CDH13: variants seen among roughly 807,000 people sequenced by gnomAD.
The protein encoded by CDH13 is cadherin 13.
CDH13 carries 24 observed loss-of-function variants against 63.8 expected under a neutral mutation model. The observed-to-expected ratio is 0.38, with a 90% confidence interval of 0.27 to 0.53. CDH13 has a LOEUF of 0.53. CDH13 is among the 20% of genes least tolerant of loss of function. The pLI, the probability that CDH13 is intolerant of heterozygous loss-of-function variation, is 0.85. For missense variants in CDH13, 1,049 were observed against 903.1 expected, an observed-to-expected ratio of 1.16 and a Z score of -2.07; for synonymous variants, 503 against 355.3, an observed-to-expected ratio of 1.42 and a Z score of -4.67.
At chr16:82,674,997 A>T (rs1913733005) in intron 1 of CDH13, among the ~76,000 whole-genome samples, 1 of 152,232 alleles carries the variant, frequency 6.6e-6, no homozygotes. Flanking sequence ...GCTTTGAAGC[A>T]TGGCATTTAG....
intron 6 of CDH13, among the ~76,000 whole-genome samples, chr16:83,402,870 C>CT (rs2091988844): frequency 6.6e-6 from 1 of 152,120 alleles, no homozygotes. Context: ...AACTTAGATA[C>CT]GTCCCCTTCT....
intron 4 of CDH13, among the ~76,000 whole-genome samples, chr16:83,212,612 C>G (rs961904807): frequency 1.3e-5 from 2 of 152,182 alleles, no homozygotes; most frequent in African/African-American, 4.8e-5. Context: ...AGGTGGCAAA[C>G]AGACCCAGCC....
At chr16:83,571,904 G>A (rs1009815857) in intron 7 of CDH13, among the ~76,000 whole-genome samples, 1 of 152,166 alleles carries the variant, frequency 6.6e-6, no homozygotes, top group African/African-American at 2.4e-5. Flanking sequence ...CTTAGCAGTC[G>A]CTCTGCATGG....
chr16:83,590,196 C>T (rs1319335076), intron 7 of CDH13, among the ~76,000 whole-genome samples: 3 of 152,078 alleles, frequency 2.0e-5, no homozygotes, highest in South Asian at 4.1e-4. Flanking sequence ...CTGGACAGTT[C>T]GCTCTGGCTG....
At chr16:83,324,758 T>G (rs2090322042) in intron 5 of CDH13, among the ~76,000 whole-genome samples, 1 of 152,254 alleles carries the variant, frequency 6.6e-6, no homozygotes, top group Non-Finnish European at 1.5e-5. Flanking sequence ...TCTTGGCTAT[T>G]TGTCTAGGAG....
chr16:82,873,370 T>G (rs2040405949), intron 2 of CDH13, among the ~76,000 whole-genome samples: 1 of 152,214 alleles, frequency 6.6e-6, no homozygotes, highest in African/African-American at 2.4e-5. Flanking sequence ...TCAGTGGTGT[T>G]ACAATCCTCT....
chr16:82,637,428 C>CTTTGTTTTTT (rs1908792880), intron 1 of CDH13, among the ~76,000 whole-genome samples: 3 of 81,654 alleles, frequency 3.7e-5, no homozygotes, highest in Admixed American at 1.6e-4. Flanking sequence ...GTTACTGTGC[C>CTTTGTTTTTT]TTTTTTTTTT....
chr16:82,940,545 C>T (rs1362293263), intron 2 of CDH13, among the ~76,000 whole-genome samples: 1 of 152,132 alleles, frequency 6.6e-6, no homozygotes, highest in African/African-American at 2.4e-5. Flanking sequence ...AGATTTGGTT[C>T]AGGTAAAGTT....
At chr16:83,077,732 G>A (rs914883748) in intron 3 of CDH13, among the ~76,000 whole-genome samples, 9 of 152,166 alleles carry the variant, frequency 5.9e-5, no homozygotes, top group Non-Finnish European at 1.2e-4. Context: ...ACTCCTAGCA[G>A]TAAAAGGGTA....
At chr16:83,509,159 G>T (rs9926981) in intron 7 of CDH13, among the ~76,000 whole-genome samples, 2 of 152,128 alleles carry the variant, frequency 1.3e-5, no homozygotes, top group South Asian at 2.1e-4. Context: ...TCTTACCTCA[G>T]AGTTTCAAAG....
At chr16:83,186,578 A>G (rs1293039136) in intron 4 of CDH13, among the ~76,000 whole-genome samples, 1 of 151,672 alleles carries the variant, frequency 6.6e-6, no homozygotes, top group African/African-American at 2.4e-5. Flanking sequence ...TATTTGCTTT[A>G]TGTTTGTATT....
intron 10 of CDH13, among the ~76,000 whole-genome samples, chr16:83,724,177 T>G (rs1910067643): frequency 7.0e-6 from 1 of 142,676 alleles, no homozygotes; most frequent in Non-Finnish European, 1.5e-5. Context: ...CATGGGTGAG[T>G]GATAAATGCA....
intron 3 of CDH13, among the ~76,000 whole-genome samples, chr16:83,062,682 G>C (rs962590159): frequency 1.3e-5 from 2 of 152,202 alleles, no homozygotes; most frequent in African/African-American, 4.8e-5. Context: ...GTTTCAGTTA[G>C]CTATGGCTGT....
intron 2 of CDH13, among the ~76,000 whole-genome samples, chr16:83,022,027 C>A (rs1223811909): frequency 6.6e-6 from 1 of 152,148 alleles, no homozygotes; most frequent in Non-Finnish European, 1.5e-5. Flanking sequence ...AGAAATGCTT[C>A]CTGTTTCTTC....
intron 4 of CDH13, among the ~76,000 whole-genome samples, chr16:83,142,753 T>C (rs2151678894): frequency 6.6e-6 from 1 of 151,398 alleles, no homozygotes; most frequent in East Asian, 1.9e-4. Context: ...AAATATTTTT[T>C]GACTGAATGA....
At position 83,770,948 on chromosome 16, in the gene CDH13, C is replaced by T. The variant is rs568025007; in HGVS notation, c.1682-9020C>T. Among the ~76,000 whole-genome samples the T allele has an allele frequency of 3.3e-5, 5 of 152,272 alleles. No homozygotes were observed. The East Asian group carries it at 9.6e-4, about 29-fold the overall frequency. On this transcript the variant is annotated intron_variant, in intron 11 of 13. Coordinates refer to ENST00000567109, the MANE Select transcript of CDH13 (RefSeq NM_001257.5). Reference sequence around the variant, plus strand: ...GATCTCTGCCTCATTTTACCCAGCACCTATTCAAGATGGAGTTGCTCTGAT... The same window carrying T: ...GATCTCTGCCTCATTTTACCCAGCATCTATTCAAGATGGAGTTGCTCTGAT...
At chr16:83,110,542 A>T (rs1383711889) in intron 3 of CDH13, among the ~76,000 whole-genome samples, 1 of 152,184 alleles carries the variant, frequency 6.6e-6, no homozygotes, top group African/African-American at 2.4e-5. Flanking sequence ...GGTGTAGTGA[A>T]GGCAGCACAT....
chr16:83,100,228 G>A (rs530316080), intron 3 of CDH13, among the ~76,000 whole-genome samples: 1 of 152,146 alleles, frequency 6.6e-6, no homozygotes, highest in Non-Finnish European at 1.5e-5. Context: ...ATGTATGGGG[G>A]TGGGGGAGAC....
chr16:83,182,628 G>A (rs2038381604), intron 4 of CDH13, among the ~76,000 whole-genome samples: 3 of 152,170 alleles, frequency 2.0e-5, no homozygotes, highest in African/African-American at 2.4e-5. Context: ...AGAATGTATA[G>A]TCTAAATGCT....
Sources: gnomAD v4.1 joint callset for allele counts (sites outside exome capture counted in the v4.1 genomes callset) on GRCh38, gnomAD v4.1.1 for gene constraint, MANE v1.5 for transcripts, NCBI Gene and HGNC (gene_info 2026-07-23, HGNC 2026-07-21) for gene names.